Variants in GSE1 observed in about 807,000 individuals in gnomAD.
GSE1 encodes the protein genetic suppressor element 1.
In GSE1, 32 loss-of-function variants were observed where a neutral mutation model predicts 112.6. The ratio of observed to expected loss-of-function variants is 0.28; its 90% CI spans 0.21 to 0.38. The LOEUF is 0.38. Ranked by LOEUF, GSE1 falls within the 10% of genes least tolerant of loss-of-function variation. The pLI, the probability that GSE1 is intolerant of heterozygous loss-of-function variation, is 1.00. For missense variants in GSE1, 2,348 were observed against 1,699.2 expected, an observed-to-expected ratio of 1.38 and a Z score of -6.71; for synonymous variants, 1,115 against 735.6, an observed-to-expected ratio of 1.52 and a Z score of -8.35.
intron 1 of GSE1, among the ~76,000 whole-genome samples, chr16:85,173,386 A>G (rs2143158710): frequency 6.6e-6 from 1 of 152,358 alleles, no homozygotes; most frequent in Middle Eastern, 3.4e-3. Flanking sequence ...AGAAGTGGAA[A>G]CATACCACTT....
intron 2 of GSE1, among the ~76,000 whole-genome samples, chr16:85,462,374 G>T (rs112154123): frequency 0.02 from 3,008 of 152,048 alleles, 94 homozygotes; most frequent in African/African-American, 0.068. Context: ...CCCTCAGCTT[G>T]TTGGTTGGTT....
chr16:85,383,059 GCACA>G (rs200672247), intron 2 of GSE1, among the ~76,000 whole-genome samples: 1 of 146,084 alleles, frequency 6.8e-6, no homozygotes, highest in South Asian at 2.1e-4. Flanking sequence ...ATGCATGTGC[GCACA>G]CACACACATG....
chr16:85,556,748 TGC>T (rs1491299861), intron 1 of GSE1, among the ~76,000 whole-genome samples: 4 of 101,242 alleles, frequency 4.0e-5, no homozygotes, highest in Non-Finnish European at 7.8e-5. Context: ...TCGGGTAGCA[TGC>T]CCCCCCCCCC....
rs537186237 is a variant in GSE1 at position 85,177,885 on chromosome 16, G to A, written c.2283+6078G>A. 2.0e-5 allele frequency among the ~76,000 whole-genome samples: 3 copies of A among 152,288 alleles called. No individual in the cohort carries two copies. In the South Asian group the frequency reaches 6.2e-4, roughly 32 times the overall value. Reference sequence around the variant, plus strand: ...GGCAGTGCTGGGCCAGGGACGAACTGCAGTCCTGCCTCCCGTCCCTGTGTG... The same window carrying A: ...GGCAGTGCTGGGCCAGGGACGAACTACAGTCCTGCCTCCCGTCCCTGTGTG... On this transcript the variant is annotated intron_variant, in intron 1 of 2. Coordinates refer to the GSE1 transcript ENST00000637419.
chr16:85,394,917 G>A (rs768281150), intron 2 of GSE1, among the ~76,000 whole-genome samples: 1 of 152,176 alleles, frequency 6.6e-6, no homozygotes, highest in Non-Finnish European at 1.5e-5. Context: ...GAGGCACTCT[G>A]GAAGCTCAAT....
At chr16:85,486,502 G>A (rs1458515322) in intron 2 of GSE1, among the ~76,000 whole-genome samples, 4 of 152,386 alleles carry the variant, frequency 2.6e-5, no homozygotes, top group South Asian at 2.1e-4. Context: ...AGGTGGCTCC[G>A]TTCGGGGGTG....
rs546046805 is a variant in GSE1, at chr16:85,227,389, G to A, written c.2283+55582G>A. Reference sequence around the variant, plus strand: ...ACGGTGGGTATGTCCAGAGGATGAGGTGCCAGAAGGGGCTGTGATCAGCTC... The same window carrying A: ...ACGGTGGGTATGTCCAGAGGATGAGATGCCAGAAGGGGCTGTGATCAGCTC... On this transcript the variant is annotated intron_variant, in intron 1 of 2. Transcript: ENST00000637419. 2.6e-5 allele frequency among the ~76,000 whole-genome samples: 4 copies of A among 152,350 alleles called. No homozygotes were observed. In the East Asian group the frequency reaches 7.7e-4, roughly 29 times the overall value.
rs368449192 is a variant in GSE1 at position 85,668,371 on chromosome 16, G to T, written c.3362G>T (p.Arg1121Leu). 1 of 1,613,026 alleles carries T rather than the reference G, an allele frequency of 6.2e-7. No homozygotes were observed. The highest frequency in any genetic ancestry group is 1.7e-5 in the Admixed American group (1 of 60,004). Residue 1121 changes from arginine (R) to leucine (L), a missense_variant, in exon 14 of 16, where the codon CGC becomes CTC. Transcript: ENST00000253458. Reference protein sequence around the residue: ...DGEDEEEVPKRKWQGIEAVFE... With the variant: ...DGEDEEEVPKLKWQGIEAVFE... ...GAAGATGAGGAGGAAGTCCCCAAGCGCAAGTGGCAAGGGATCGAGGCCGTT... is the reference window on the plus strand; with the variant it reads ...GAAGATGAGGAGGAAGTCCCCAAGCTCAAGTGGCAAGGGATCGAGGCCGTT...
At chr16:85,553,564 T>C (rs1230902876), upstream of GSE1, among the ~76,000 whole-genome samples, 2 of 151,896 alleles carry the variant, frequency 1.3e-5, no homozygotes, top group African/African-American at 2.4e-5. Context: ...AGCAGCGAGC[T>C]TGGGGACTCA....
At chr16:85,203,646 G>C (rs2143579906) in intron 1 of GSE1, among the ~76,000 whole-genome samples, 1 of 152,346 alleles carries the variant, frequency 6.6e-6, no homozygotes, top group South Asian at 2.1e-4. Flanking sequence ...TTGTGCAGCT[G>C]CTTTATTGAG....
intron 1 of GSE1, among the ~76,000 whole-genome samples, chr16:85,329,271 C>G (rs2046290065): frequency 6.6e-6 from 1 of 152,180 alleles, no homozygotes; most frequent in Non-Finnish European, 1.5e-5. Flanking sequence ...CGCTGGCTGC[C>G]TCCAGGGCTG....
At chr16:85,200,236 G>A (rs2075003255) in intron 1 of GSE1, among the ~76,000 whole-genome samples, 1 of 152,056 alleles carries the variant, frequency 6.6e-6, no homozygotes, top group Admixed American at 6.6e-5. Context: ...TCTACCAGGG[G>A]TCTTGAGTTT....
intron 2 of GSE1, among the ~76,000 whole-genome samples, chr16:85,469,172 C>G (rs1335601762): frequency 1.3e-5 from 2 of 152,098 alleles, no homozygotes; most frequent in East Asian, 3.9e-4. Flanking sequence ...AGGAGAATCT[C>G]TTGAACCTGG....
chr16:85,638,340 C>T (rs1378825089), intron 2 of GSE1, among the ~76,000 whole-genome samples: 1 of 152,190 alleles, frequency 6.6e-6, no homozygotes, highest in East Asian at 1.9e-4. Flanking sequence ...GCTCAGTCAC[C>T]CGCCCACCAG....
At chr16:85,653,042 A>C (rs72801201) in intron 3 of GSE1, among the ~76,000 whole-genome samples, 28,315 of 150,448 alleles carry the variant, frequency 0.19, 3,049 homozygotes, top group Middle Eastern at 0.27. Flanking sequence ...CCCCCAGGTC[A>C]GGGTAGGCCT....
At chr16:85,642,214 G>C (rs1045343218) in intron 2 of GSE1, among the ~76,000 whole-genome samples, 1 of 152,258 alleles carries the variant, frequency 6.6e-6, no homozygotes, top group African/African-American at 2.4e-5. Context: ...CGGAGGCTGA[G>C]GTGGGAGGAT....
upstream of GSE1, chr16:85,613,084 C>A: frequency 3.0e-6 from 2 of 673,710 alleles, no homozygotes; most frequent in Non-Finnish European, 4.3e-6. Flanking sequence ...GCGGGTGGAT[C>A]CGGGCGCCCG....
At position 85,207,113 on chromosome 16, in the gene GSE1, G is replaced by A. The variant is rs971576612; in HGVS notation, c.2283+35306G>A. Among the ~76,000 whole-genome samples the A allele has an allele frequency of 4.6e-5, 7 of 152,322 alleles. No individual in the cohort carries two copies. In the East Asian group the frequency reaches 7.7e-4, roughly 17 times the overall value. Reference sequence around the variant, plus strand: ...AGGCTGGCGGCTTGGGGCTCTTGGCGTCTGCACTTGCCTGCCTTCTCCCCA... The same window carrying A: ...AGGCTGGCGGCTTGGGGCTCTTGGCATCTGCACTTGCCTGCCTTCTCCCCA... On this transcript the variant is annotated intron_variant, in intron 1 of 2. Coordinates refer to the GSE1 transcript ENST00000637419.
chr16:85,230,124 G>GT (rs1417176407), intron 1 of GSE1, among the ~76,000 whole-genome samples: 1 of 152,246 alleles, frequency 6.6e-6, no homozygotes, highest in Non-Finnish European at 1.5e-5. Flanking sequence ...GCCCTGCACT[G>GT]TAAGTGGTGC....
Sources: allele counts gnomAD v4.1 joint callset (sites outside exome capture counted in the v4.1 genomes callset), GRCh38; gene constraint gnomAD v4.1.1; transcripts MANE v1.5; gene names NCBI Gene and HGNC (gene_info 2026-07-23, HGNC 2026-07-21).